The following NEB variants were observed in gnomAD, a reference collection of about 807,000 sequenced individuals.
NEB encodes nebulin.
NEB carries 512 observed loss-of-function variants against 952.2 expected under a neutral mutation model. The ratio of observed to expected loss-of-function variants is 0.54; its 90% CI spans 0.50 to 0.58. NEB has a LOEUF of 0.58. NEB is among the 20% of genes least tolerant of loss of function. The pLI is 0.00. For missense variants in NEB, 8,428 were observed against 9,231.1 expected (o/e 0.91, Z 3.56); for synonymous variants, 2,900 against 3,149.8 (o/e 0.92, Z 2.66).
At chr2:151,690,668 C>A (rs752016512) in intron 24 of NEB, 59 bp downstream of exon 24, 1 of 1,220,630 alleles carries the variant, frequency 8.2e-7, no homozygotes, top group Non-Finnish European at 1.2e-6. Context: ...TAAATGCTTA[C>A]ATTTTAAATG....
intron 46 of NEB, 66 bp downstream of exon 46, chr2:151,662,069 T>C (rs2099155257): frequency 7.1e-7 from 1 of 1,409,268 alleles, no homozygotes; most frequent in South Asian, 1.4e-5. Flanking sequence ...AACCTGTGGA[T>C]TAAATGTAAA....
chr2:151,506,965 C>A lies in NEB; in HGVS notation c.23500G>T (p.Val7834Phe), dbSNP rs1553601424. Reference protein sequence around the residue: ...LKNSKGKITVVQDTPEILRVK... With the variant: ...LKNSKGKITVFQDTPEILRVK... ...CGCAGTATTTCTGGCGTGTCTTGAACAACTGTAATTTTTCCTTTACTGTTT... is the reference window on the plus strand; with the variant it reads ...CGCAGTATTTCTGGCGTGTCTTGAAAAACTGTAATTTTTCCTTTACTGTTT... The change falls in exon 163 of 182, where the codon GTT becomes TTT. Residue 7834 changes from valine (V) to phenylalanine (F), a missense_variant. This residue lies in a region of NEB where 3,374 missense variants were observed against 3,651.5 expected (regional missense o/e 0.92). Transcript: ENST00000397345. 3 of 1,611,480 alleles carry A rather than the reference C, an allele frequency of 1.9e-6. No individual in the cohort carries two copies. Among genetic ancestry groups the A allele is most frequent in the Non-Finnish European group, 2.5e-6 (3 of 1,178,406 alleles).
chr2:151,665,273 G>A (rs953520209), intron 42 of NEB, 60 bp downstream of exon 42: 27 of 1,508,668 alleles, frequency 1.8e-5, no homozygotes, highest in Non-Finnish European at 2.5e-5. Flanking sequence ...GGCACTGCCA[G>A]GCTCAATGTC....
At chr2:151,505,721 T>C (rs372689662) in intron 164 of NEB, among the ~76,000 whole-genome samples, 151 bp from the exon 165 acceptor site, 3 of 152,330 alleles carry the variant, frequency 2.0e-5, no homozygotes, top group African/African-American at 7.2e-5. Flanking sequence ...GGGACCTCAT[T>C]CTGATACTGG....
In NEB at chr2:151,533,639, T is replaced by C. The variant is rs1316320442; in HGVS notation, c.21313-93A>G. On this transcript the variant is annotated intron_variant, in intron 142 of 181. Coordinates refer to ENST00000397345, the MANE Select transcript of NEB (RefSeq NM_001164508.2). ...TCCCAATCACCTCTGAGTGAAGAGA[T>C]GTAGGCATACACACTTTATGTACTC... 1.6e-5 allele frequency: 12 copies of C among 767,274 alleles called. No individual in the cohort carries two copies. In the East Asian group the frequency reaches 3.0e-4, roughly 19 times the overall value. 47.5% of individuals were successfully genotyped at this position (767,274 alleles called of 1,614,324 possible). A position where few individuals can be genotyped will look rare whatever the true frequency, so the allele number is the denominator to read the frequency against.
At chr2:151,732,449 C>T (rs925833612) in intron 3 of NEB, among the ~76,000 whole-genome samples, 4 of 151,918 alleles carry the variant, frequency 2.6e-5, no homozygotes, top group South Asian at 4.1e-4. Flanking sequence ...TTCAAGATAC[C>T]CACTATAGTC....
chr2:151,660,889 C>T (rs761623085), intron 46 of NEB, among the ~76,000 whole-genome samples: 5 of 151,886 alleles, frequency 3.3e-5, no homozygotes, highest in African/African-American at 9.7e-5. Context: ...CCACATAGGC[C>T]GATTGAGTAC....
rs181761568 is a variant in NEB, at chr2:151,559,419, G to T, written c.19314+1173C>A. Among the ~76,000 whole-genome samples the T allele has an allele frequency of 8.3e-3, 1,267 of 152,250 alleles. 12 individuals are homozygous for T. The highest frequency in any genetic ancestry group is 0.034 in the Middle Eastern group (10 of 294). On this transcript the variant is annotated intron_variant, in intron 124 of 181. Transcript: ENST00000397345. The stretch of plus-strand genomic sequence containing the variant: ...GGATCTAGAACTAGAAATACCATTT[G>T]ACCCAGCAATCCCATTACTGGGTAT...
chr2:151,663,438 G>A, intron 45 of NEB, 110 bp downstream of exon 45: 1 of 1,076,550 alleles, frequency 9.3e-7, no homozygotes, highest in South Asian at 1.7e-5. Context: ...CACTATGTTG[G>A]GAAATTGCAG....
chr2:151,555,033 C>G lies in NEB; in HGVS notation c.19326G>C (p.Arg6442=), dbSNP rs779349365. 9.5e-5 allele frequency: 153 copies of G among 1,602,852 alleles called. No homozygotes were observed. Among genetic ancestry groups the G allele is most frequent in the Non-Finnish European group, 1.6e-5 (19 of 1,170,048 alleles). ...GAGCTTTGAACTTTTCATATTCTTC[C>G]CGATATTTGATCTATAGAGAATAAG... ...QKHLASHIKY[R]EEYEKFKALY... is the part of the protein sequence containing the mutation. The change falls in exon 125 of 182, where the codon CGG becomes CGC. Residue 6442 remains arginine (R), a synonymous_variant. Coordinates refer to ENST00000397345, the MANE Select transcript of NEB (RefSeq NM_001164508.2).
intron 168 of NEB, among the ~76,000 whole-genome samples, chr2:151,501,172 A>G (rs1487445408): frequency 1.3e-5 from 2 of 152,186 alleles, no homozygotes; most frequent in Non-Finnish European, 2.9e-5. Context: ...ATGAAAAGAG[A>G]AGGAAAGAAA....
chr2:151,733,008 C>G lies in NEB; in HGVS notation c.36+113G>C, dbSNP rs532095196. The stretch of plus-strand genomic sequence containing the variant: ...CTTTCTTATGCTTTAAATGATGACT[C>G]TTTGTGAAGTTATAATAGACAATGT... On this transcript the variant is annotated intron_variant, in intron 3 of 181. Transcript: ENST00000397345. 72 of 895,368 alleles carry G rather than the reference C, an allele frequency of 8.0e-5. No individual in the cohort carries two copies. In the African/African-American group the frequency reaches 9.7e-4, roughly 12 times the overall value. 55.5% of individuals were successfully genotyped at this position (895,368 alleles called of 1,614,324 possible). A position where few individuals can be genotyped will look rare whatever the true frequency, so the allele number is the denominator to read the frequency against.
chr2:151,500,859 A>AAAG (rs1553565761), intron 168 of NEB, among the ~76,000 whole-genome samples: 1 of 152,084 alleles, frequency 6.6e-6, no homozygotes, highest in East Asian at 1.9e-4. Flanking sequence ...TCGACCTCCC[A>AAAG]AAGTGCTGAG....
intron 45 of NEB, among the ~76,000 whole-genome samples, chr2:151,662,598 T>A (rs2099160779): frequency 6.6e-6 from 1 of 152,248 alleles, no homozygotes; most frequent in Non-Finnish European, 1.5e-5. Context: ...GACTTGTTTT[T>A]CTCAATGCCT....
chr2:151,562,166 C>G lies in NEB; in HGVS notation c.18940G>C (p.Val6314Leu). 1.2e-6 allele frequency: 2 copies of G among 1,613,606 alleles called. No individual in the cohort carries two copies. Among genetic ancestry groups the G allele is most frequent in the South Asian group, 2.2e-5 (2 of 91,066 alleles). ...LNWLKGIGCY[V>L]WDTPQILHAK... ...TGGAGGATTTGGGGTGTATCCCAAA[C>G]GTAGCAACCAATGCCTTTCAACCAA... Residue 6314 changes from valine to leucine, a missense_variant, in exon 121 of 182, where the codon GTT (valine) becomes CTT (leucine). Physicochemically the swap from Val to Leu is conservative, Grantham distance 32. This residue lies in a region of NEB where 3,374 missense variants were observed against 3,651.5 expected (regional missense o/e 0.92). Transcript: ENST00000397345.
Position 151,551,797 on chromosome 2 carries a change from G to A in NEB, c.19885C>T (p.Pro6629Ser), listed in dbSNP as rs750375788. The A allele has an allele frequency of 6.2e-7, 1 of 1,613,430 alleles. No homozygotes were observed. The highest frequency in any genetic ancestry group is 1.1e-5 in the South Asian group (1 of 90,972). The change falls in exon 129 of 182, where the codon CCA (proline) becomes TCA (serine). Residue 6629 changes from proline (P) to serine (S), a missense_variant. Transcript: ENST00000397345. Reference sequence around the variant, plus strand: ...TCCAGATCCACGGTTTTGGTAGTTGGAGCCACTTTGCCTCTGACACTGTGC... The same window carrying A: ...TCCAGATCCACGGTTTTGGTAGTTGAAGCCACTTTGCCTCTGACACTGTGC... ...YVHSVRGKVAPTTKTVDLDRA... is the reference protein window; with the variant it reads ...YVHSVRGKVASTTKTVDLDRA...
In NEB at chr2:151,633,956, T is replaced by G; in HGVS notation, c.9112A>C (p.Lys3038Gln). ...SRDIISDYKY[K>Q]DGYCKQLGHH... The stretch of plus-strand genomic sequence containing the variant: ...CCAAGTTGCTTGCAGTAACCATCTT[T>G]ATATTTGTACTAAAATGAAAATGCA... Residue 3038 changes from lysine to glutamine, a missense_variant, in exon 65 of 182, where the codon AAA (lysine) becomes CAA (glutamine). By Grantham distance (53) the Lys-to-Gln change is moderately conservative (BLOSUM62 1). Around this residue, in one of 11 missense-constraint regions of NEB, gnomAD observed 1,772 missense variants for 1,960.3 expected, o/e 0.90. Coordinates refer to ENST00000397345, the MANE Select transcript of NEB (RefSeq NM_001164508.2). 1 of 1,612,030 alleles carries G rather than the reference T, an allele frequency of 6.2e-7. No individual in the cohort carries two copies. The highest frequency in any genetic ancestry group is 1.3e-5 in the African/African-American group (1 of 74,926).
chr2:151,701,851 G>A (rs1161818791), intron 13 of NEB, among the ~76,000 whole-genome samples: 55 of 143,414 alleles, frequency 3.8e-4, no homozygotes, highest in Non-Finnish European at 6.1e-4. Context: ...AGGGTTTTTT[G>A]TGTCTCTATT....
chr2:151,621,679 C>T (rs2098419212), intron 71 of NEB, among the ~76,000 whole-genome samples: 1 of 152,160 alleles, frequency 6.6e-6, no homozygotes, highest in South Asian at 2.1e-4. Context: ...GAAGACAAAA[C>T]ACAAATGTTC....
Sources: gnomAD v4.1 joint callset for allele counts (sites outside exome capture counted in the v4.1 genomes callset) on GRCh38, gnomAD v4.1.1 for gene constraint, gnomAD v4.1.1 regional missense constraint, MANE v1.5 for transcripts, NCBI Gene and HGNC (gene_info 2026-07-23, HGNC 2026-07-21) for gene names.